The following BRD4 variants were observed in gnomAD, a reference collection of about 807,000 sequenced individuals.
BRD4 encodes bromodomain-containing protein 4.
Under a neutral mutation model 142.1 loss-of-function variants are expected in BRD4, and 16 were observed. The observed-to-expected ratio is 0.11, with a 90% CI of 0.08 to 0.17. BRD4 has a LOEUF of 0.17. Ranked by LOEUF, BRD4 falls within the 10% of genes least tolerant of loss-of-function variation. The pLI is 1.00. For missense variants in BRD4, 1,424 were observed against 1,810.9 expected (o/e 0.79, Z 3.88); for synonymous variants, 833 against 707.5 (o/e 1.18, Z -2.82).
intron 1 of BRD4, among the ~76,000 whole-genome samples, chr19:15,329,483 G>A (rs1300343237): frequency 2.0e-5 from 3 of 152,172 alleles, no homozygotes; most frequent in Non-Finnish European, 4.4e-5. Flanking sequence ...GCTCATGCCT[G>A]TAAACCCAGT....
intron 1 of BRD4, among the ~76,000 whole-genome samples, chr19:15,326,153 T>TA (rs755812111): frequency 0.085 from 8,551 of 100,862 alleles, 533 homozygotes; most frequent in African/African-American, 0.16. Flanking sequence ...AATGTAGCAT[T>TA]AAAAAAAAAA....
intron 11 of BRD4, among the ~76,000 whole-genome samples, chr19:15,252,185 G>T (rs2047354920): frequency 6.6e-6 from 1 of 152,222 alleles, no homozygotes; most frequent in Non-Finnish European, 1.5e-5. Context: ...CCAGAAGAGG[G>T]ACGCAGAGGC....
intron 2 of BRD4, among the ~76,000 whole-genome samples, chr19:15,272,241 A>AG (rs1021727034): frequency 5.3e-5 from 8 of 152,088 alleles, no homozygotes; most frequent in Non-Finnish European, 7.4e-5. Context: ...AGCCAGAGGG[A>AG]GGGAGGGCAA....
chr19:15,304,397 G>C (rs2047896314), intron 1 of BRD4, among the ~76,000 whole-genome samples: 1 of 152,220 alleles, frequency 6.6e-6, no homozygotes, highest in African/African-American at 2.4e-5. Context: ...ACTGTGCCGG[G>C]GGAGTAGGAA....
At chr19:15,290,844 G>C (rs1027306115) in intron 1 of BRD4, among the ~76,000 whole-genome samples, 2 of 152,104 alleles carry the variant, frequency 1.3e-5, no homozygotes, top group African/African-American at 4.8e-5. Flanking sequence ...CTATCTCTAG[G>C]GGATGATATA....
At chr19:15,260,942 G>A (rs1371962609) in intron 7 of BRD4, among the ~76,000 whole-genome samples, 1 of 152,234 alleles carries the variant, frequency 6.6e-6, no homozygotes, top group Non-Finnish European at 1.5e-5. Flanking sequence ...ATCAGAGGGT[G>A]CTTTTTCTTT....
In BRD4 at chr19:15,318,159, G is replaced by A. The variant is rs1244632447; in HGVS notation, c.-35+14131C>T. On this transcript the variant is annotated intron_variant, in intron 1 of 19. Transcript: ENST00000679869. The stretch of plus-strand genomic sequence containing the variant: ...AAACTGCTTAAGTTACAAAAATCAT[G>A]CCTGTACAGTAAGACTGCAATTCAA... Among the ~76,000 whole-genome samples, 6 of 152,130 alleles carry A rather than the reference G, an allele frequency of 3.9e-5. No homozygotes were observed. The East Asian group carries it at 1.2e-3, about 29-fold the overall frequency.
At chr19:15,255,194 A>C (rs1403935817) in intron 10 of BRD4, 103 bp downstream of exon 10, 1 of 1,213,768 alleles carries the variant, frequency 8.2e-7, no homozygotes, top group African/African-American at 1.6e-5. Context: ...AATTGGAAAA[A>C]AAAAAGGGGG....
rs76798050 is a variant in BRD4 at position 15,304,133 on chromosome 19, T to G, written c.-35+28157A>C. On this transcript the variant is annotated intron_variant, in intron 1 of 19. Transcript: ENST00000679869. ...CGCTAACTTTTTTACACTTACCACA[T>G]AATCCCAACCCACTCTATTCTTCCG... 1.7e-3 allele frequency among the ~76,000 whole-genome samples: 258 copies of G among 152,280 alleles called. 10 individuals are homozygous for G. In the East Asian group the frequency reaches 0.045, roughly 27 times the overall value.
chr19:15,282,411 G>A (rs1035262393), intron 1 of BRD4, among the ~76,000 whole-genome samples: 15 of 152,240 alleles, frequency 9.9e-5, no homozygotes, highest in African/African-American at 3.6e-4. Context: ...CAGAGGTGGT[G>A]GCAGGTGTGT....
intron 1 of BRD4, among the ~76,000 whole-genome samples, chr19:15,325,983 G>A (rs2145008407): frequency 9.3e-6 from 1 of 107,494 alleles, no homozygotes. Flanking sequence ...GGGCAACAGA[G>A]CAAGACTCCG....
chr19:15,290,439 A>G (rs1267294508), intron 1 of BRD4, among the ~76,000 whole-genome samples: 1 of 152,184 alleles, frequency 6.6e-6, no homozygotes, highest in Non-Finnish European at 1.5e-5. Context: ...AAAATGCATT[A>G]TACTTTCAGG....
At chr19:15,316,155 C>CAA (rs980486654) in intron 1 of BRD4, among the ~76,000 whole-genome samples, 1,857 of 32,488 alleles carry the variant, frequency 0.057, 189 homozygotes, top group Non-Finnish European at 0.07. Flanking sequence ...GACACCGTCT[C>CAA]AAAAAAAAAA....
chr19:15,292,171 A>G (rs147497229), intron 1 of BRD4, among the ~76,000 whole-genome samples: 21 of 152,348 alleles, frequency 1.4e-4, no homozygotes, highest in African/African-American at 5.1e-4. Context: ...CCTAGTTATC[A>G]CAACATCCCA....
intron 7 of BRD4, chr19:15,257,389 A>G: frequency 1.7e-6 from 1 of 578,862 alleles, no homozygotes; most frequent in Non-Finnish European, 3.1e-6. Context: ...CTCACTTTGA[A>G]GAACAAGGTG....
chr19:15,282,634 T>C (rs114336114), intron 1 of BRD4, among the ~76,000 whole-genome samples: 233 of 152,346 alleles, frequency 1.5e-3, no homozygotes, highest in African/African-American at 5.2e-3. Flanking sequence ...TAATTCAAGC[T>C]ATGCATTCCC....
At chr19:15,243,529 G>A (rs201474070) in intron 13 of BRD4, 42 bp from the exon 14 acceptor site, 294 of 1,504,446 alleles carry the variant, frequency 2.0e-4, no homozygotes, top group Admixed American at 2.5e-4. Context: ...CTGAGCACCT[G>A]TGGCCCCAGC....
chr19:15,327,523 G>A (rs1274142975), intron 1 of BRD4, among the ~76,000 whole-genome samples: 4 of 151,894 alleles, frequency 2.6e-5, no homozygotes, highest in South Asian at 2.1e-4. Context: ...CAGCCTGGGC[G>A]ACACAGCAAG....
chr19:15,309,397 T>C (rs970294343), intron 1 of BRD4, among the ~76,000 whole-genome samples: 7 of 151,302 alleles, frequency 4.6e-5, no homozygotes, highest in Non-Finnish European at 1.0e-4. Context: ...AAAGGAATCT[T>C]TGCTATCATC....
Sources: gnomAD v4.1 joint callset for allele counts (sites outside exome capture counted in the v4.1 genomes callset) on GRCh38, gnomAD v4.1.1 for gene constraint, MANE v1.5 for transcripts, NCBI Gene and HGNC (gene_info 2026-07-23, HGNC 2026-07-21) for gene names.